IQSEC1: variants seen among roughly 807,000 people sequenced by gnomAD.
IQSEC1 encodes the protein IQ motif and Sec7 domain ArfGEF 1.
Under a neutral mutation model 91.0 loss-of-function variants are expected in IQSEC1, and 31 were observed. The ratio of observed to expected loss-of-function variants is 0.34; its 90% CI spans 0.26 to 0.46. The LOEUF (loss-of-function observed/expected upper bound fraction) is 0.46, where lower values mean the gene tolerates loss of function less well. Ranked by LOEUF, IQSEC1 falls within the 20% of genes least tolerant of loss-of-function variation. IQSEC1 has a pLI of 1.00. For synonymous variants in IQSEC1, 699 were observed against 662.6 expected, an observed-to-expected ratio of 1.05 and a Z score of -0.84; for missense variants, 1,388 against 1,575.6, an observed-to-expected ratio of 0.88 and a Z score of 2.02.
intron 1 of IQSEC1, among the ~76,000 whole-genome samples, chr3:13,197,005 G>A (rs2125043048): frequency 6.6e-6 from 1 of 152,184 alleles, no homozygotes; most frequent in Middle Eastern, 3.4e-3. Flanking sequence ...GAGTTGAGGA[G>A]GGCTGCAGTT....
At chr3:13,154,653 A>G (rs1239429507) in intron 2 of IQSEC1, among the ~76,000 whole-genome samples, 1 of 150,276 alleles carries the variant, frequency 6.7e-6, no homozygotes, top group Non-Finnish European at 1.5e-5. Flanking sequence ...CTAACAGGAC[A>G]CTCCACTCAA....
At chr3:13,147,869 G>A (rs1706923817) in intron 2 of IQSEC1, among the ~76,000 whole-genome samples, 2 of 152,212 alleles carry the variant, frequency 1.3e-5, no homozygotes, top group African/African-American at 4.8e-5. Context: ...CTGACCTCAG[G>A]TGATCTGCCC....
chr3:13,084,762 A>G (rs1052090242), intron 2 of IQSEC1, among the ~76,000 whole-genome samples: 2 of 152,308 alleles, frequency 1.3e-5, no homozygotes, highest in Admixed American at 6.5e-5. Flanking sequence ...TCCCAGGATC[A>G]TTGGCCGTAG....
rs1701351700 is a variant in IQSEC1, at chr3:12,979,512, A to C, written c.24-37647T>G. On this transcript the variant is annotated intron_variant, in intron 1 of 13. Transcript: ENST00000613206. This position sits in a 1 kb window ranked among gnomAD's most constrained non-coding sequence, Gnocchi z 4.3. The stretch of plus-strand genomic sequence containing the variant: ...ACATGCACGCAGCACGCGCACACAC[A>C]CACTCTAAGATGTCCCTGGACAGCG... 6.6e-6 allele frequency among the ~76,000 whole-genome samples: 1 copy of C among 152,192 alleles called. No individual in the cohort carries two copies. Among genetic ancestry groups the C allele is most frequent in the African/African-American group, 2.4e-5 (1 of 41,446 alleles).
At position 12,992,491 on chromosome 3, in the gene IQSEC1, G is replaced by A. The variant is rs890426868; in HGVS notation, c.24-50626C>T. Among the ~76,000 whole-genome samples the A allele has an allele frequency of 3.9e-5, 6 of 152,190 alleles. No homozygotes were observed. The highest frequency in any genetic ancestry group is 8.8e-5 in the Non-Finnish European group (6 of 68,030). On this transcript the variant is annotated intron_variant, in intron 1 of 13. Transcript: ENST00000613206. The surrounding 1 kb of genome is among the most constrained non-coding windows in gnomAD (Gnocchi z 4.1). The stretch of plus-strand genomic sequence containing the variant: ...AGGTGGGCATCATACTGGGGGCAGG[G>A]GAGGGTGACGAGAAAGCTATTCCTG...
intron 12 of IQSEC1, among the ~76,000 whole-genome samples, chr3:12,904,450 G>A (rs747668749): frequency 3.9e-5 from 6 of 152,232 alleles, no homozygotes; most frequent in Non-Finnish European, 7.3e-5. Flanking sequence ...ATTCTCAGCC[G>A]GAAGTAAGAG....
At chr3:12,980,918 C>A (rs1377834476) in intron 1 of IQSEC1, among the ~76,000 whole-genome samples, 1 of 152,216 alleles carries the variant, frequency 6.6e-6, no homozygotes, top group Non-Finnish European at 1.5e-5. Context: ...TGCCTCTTGA[C>A]CTCAGGAGGG....
At chr3:12,921,291 GA>G (rs1696608772) in intron 5 of IQSEC1, among the ~76,000 whole-genome samples, 2 of 152,166 alleles carry the variant, frequency 1.3e-5, no homozygotes, top group African/African-American at 2.4e-5. Context: ...AGCCGTCCTG[GA>G]AGGAGGTGGG....
chr3:13,187,377 C>T, intron 1 of IQSEC1, among the ~76,000 whole-genome samples: 1 of 152,228 alleles, frequency 6.6e-6, no homozygotes, highest in East Asian at 1.9e-4. Flanking sequence ...CAAAAGCCCT[C>T]AGCACAGCCC....
chr3:13,268,459 G>A (rs1695534564), intron 1 of IQSEC1, among the ~76,000 whole-genome samples: 1 of 152,178 alleles, frequency 6.6e-6, no homozygotes. Context: ...AGAGAGCAGT[G>A]AAAACTCAGC....
chr3:13,246,599 T>A (rs1197282747), intron 1 of IQSEC1, among the ~76,000 whole-genome samples: 1 of 152,122 alleles, frequency 6.6e-6, no homozygotes, highest in Non-Finnish European at 1.5e-5. Context: ...AATATAAACA[T>A]GGAAAGACTG....
chr3:12,945,158 G>A (rs995541346), intron 1 of IQSEC1, among the ~76,000 whole-genome samples: 1 of 152,204 alleles, frequency 6.6e-6, no homozygotes, highest in African/African-American at 2.4e-5. Context: ...GGAGTGCCTG[G>A]CGCTGGTAGT....
chr3:13,197,527 A>G (rs1694156920), intron 1 of IQSEC1, among the ~76,000 whole-genome samples: 1 of 152,148 alleles, frequency 6.6e-6, no homozygotes, highest in Admixed American at 6.5e-5. Context: ...GGGGCCTCAA[A>G]TGTCCCCCAC....
At chr3:12,942,447 C>T (rs952164701) in intron 1 of IQSEC1, among the ~76,000 whole-genome samples, 2 of 151,786 alleles carry the variant, frequency 1.3e-5, no homozygotes, top group African/African-American at 4.8e-5. Context: ...CTAAAAAATA[C>T]AAAAAATTAG....
intron 1 of IQSEC1, among the ~76,000 whole-genome samples, chr3:13,062,198 GCTTCC>G (rs200457545): frequency 1.2e-4 from 19 of 152,116 alleles, no homozygotes; most frequent in Admixed American, 2.0e-4. Flanking sequence ...TTACAGCCCA[GCTTCC>G]CTTCCCTTCC....
intron 2 of IQSEC1, among the ~76,000 whole-genome samples, chr3:13,125,589 C>A (rs1200578321): frequency 6.6e-6 from 1 of 152,220 alleles, no homozygotes; most frequent in East Asian, 1.9e-4. Flanking sequence ...GGGTGAATCC[C>A]GTACAAATCT....
intron 1 of IQSEC1, among the ~76,000 whole-genome samples, chr3:13,233,871 G>A (rs1307776882): frequency 6.6e-6 from 1 of 152,178 alleles, no homozygotes; most frequent in Non-Finnish European, 1.5e-5. Context: ...TCTGTGCCCT[G>A]TAACATGGGG....
chr3:12,971,602 A>G (rs1700899556), intron 1 of IQSEC1, among the ~76,000 whole-genome samples: 1 of 152,250 alleles, frequency 6.6e-6, no homozygotes. Flanking sequence ...TATTTATAAA[A>G]GAATCTACAG....
intron 1 of IQSEC1, among the ~76,000 whole-genome samples, chr3:13,164,240 C>T (rs1576278388): frequency 6.6e-6 from 1 of 152,124 alleles, no homozygotes; most frequent in South Asian, 2.1e-4. Context: ...CTCCCAGCAT[C>T]CCCTCCCCAG....
Sources: allele counts gnomAD v4.1 joint callset (sites outside exome capture counted in the v4.1 genomes callset), GRCh38; gene constraint gnomAD v4.1.1; non-coding constraint Gnocchi (gnomAD v3.1); transcripts MANE v1.5; gene names NCBI Gene and HGNC (gene_info 2026-07-23, HGNC 2026-07-21).